Variants in DNAJC7 observed in about 807,000 individuals in gnomAD.
The protein encoded by DNAJC7 is DnaJ heat shock protein family (Hsp40) member C7.
DNAJC7 carries 18 observed loss-of-function variants against 67.4 expected under a neutral mutation model. That is an observed-to-expected ratio of 0.27 (90% CI 0.18 to 0.40). The LOEUF (loss-of-function observed/expected upper bound fraction) is 0.40, where lower values mean the gene tolerates loss of function less well. Ranked by LOEUF, DNAJC7 falls within the 10% of genes least tolerant of loss-of-function variation. The pLI, the probability that DNAJC7 is intolerant of heterozygous loss-of-function variation, is 1.00. For synonymous variants in DNAJC7, 220 were observed against 207.8 expected (o/e 1.06, Z -0.50); for missense variants, 419 against 613.8 (o/e 0.68, Z 3.35).
chr17:42,017,364 A>T lies in DNAJC7; in HGVS notation c.53T>A (p.Leu18Gln). The T allele has an allele frequency of 6.2e-7, 1 of 1,611,238 alleles. No homozygotes were observed. Among genetic ancestry groups the T allele is most frequent in the Non-Finnish European group, 8.5e-7 (1 of 1,179,860 alleles). ...CCTCTTCGCCTCTTGGTCGTCGAGC[A>T]GCTCCGGCTCGGTCGCCGCCATTAC... is the stretch of plus-strand genomic sequence containing the variant. ...DVVMAATEPE[L>Q]LDDQEAKREA... Residue 18 changes from leucine to glutamine, a missense_variant, in exon 1 of 14, where the codon CTG (leucine) becomes CAG (glutamine). This residue lies in a region of DNAJC7 where 63 missense variants were observed against 54.0 expected (regional missense o/e 1.17). Coordinates refer to ENST00000457167, the MANE Select transcript of DNAJC7 (RefSeq NM_003315.4).
chr17:41,997,415 C>T (rs1461955820), intron 2 of DNAJC7, among the ~76,000 whole-genome samples, 176 bp from the exon 3 acceptor site: 1 of 150,970 alleles, frequency 6.6e-6, no homozygotes, highest in African/African-American at 2.4e-5. Flanking sequence ...TGGCACAACC[C>T]CATCTCTACT....
intron 1 of DNAJC7, chr17:42,015,279 C>G (rs1267738753): frequency 1.3e-5 from 2 of 152,130 alleles, no homozygotes; most frequent in African/African-American, 4.8e-5. Flanking sequence ...TGCACCCAGC[C>G]TAATGACACT....
Position 41,990,255 on chromosome 17 carries a change from A to T in DNAJC7, c.599+9T>A. The stretch of plus-strand genomic sequence containing the variant: ...GGCATTTTAATGTCCAGCTAGCCTG[A>T]CTGCATACCTAGCCACAGACTGTGC... On this transcript the variant is annotated intron_variant, in intron 6 of 13. Transcript: ENST00000457167. 1 of 1,599,094 alleles carries T rather than the reference A, an allele frequency of 6.3e-7. No individual in the cohort carries two copies. The highest frequency in any genetic ancestry group is 1.1e-5 in the South Asian group (1 of 88,274).
chr17:41,991,252 G>A (rs1372863108), intron 5 of DNAJC7, among the ~76,000 whole-genome samples: 3 of 152,174 alleles, frequency 2.0e-5, no homozygotes, highest in African/African-American at 7.2e-5. Context: ...GGAGTTAAGG[G>A]ACACCTATTC....
intron 9 of DNAJC7, among the ~76,000 whole-genome samples, chr17:41,983,933 G>A (rs926339366): frequency 2.6e-5 from 4 of 152,236 alleles, no homozygotes; most frequent in African/African-American, 9.6e-5. Flanking sequence ...AGAGGTACTG[G>A]ACTGCCTTAG....
At chr17:41,994,995 A>G in intron 4 of DNAJC7, 51 bp from the exon 5 acceptor site, 1 of 1,512,934 alleles carries the variant, frequency 6.6e-7, no homozygotes, top group Non-Finnish European at 9.2e-7. Flanking sequence ...TGTAGATTAA[A>G]CAACCACAAA....
At chr17:42,011,258 TAAA>T (rs1477197960) in intron 1 of DNAJC7, 5 of 152,178 alleles carry the variant, frequency 3.3e-5, no homozygotes, top group African/African-American at 1.2e-4. Flanking sequence ...TCAAAACCAT[TAAA>T]ATACAAACTT....
chr17:42,014,231 G>C (rs1284215563), intron 1 of DNAJC7: 5 of 150,548 alleles, frequency 3.3e-5, no homozygotes, highest in African/African-American at 1.2e-4. Context: ...GCAATGGTGT[G>C]ACCTTGGCTC....
chr17:41,993,203 TA>T (rs1370549907), intron 5 of DNAJC7, among the ~76,000 whole-genome samples: 2 of 152,246 alleles, frequency 1.3e-5, no homozygotes, highest in Non-Finnish European at 2.9e-5. Flanking sequence ...CTCACGCCTG[TA>T]ATCCCAGCAC....
chr17:41,994,950 C>G lies in DNAJC7; in HGVS notation c.406-6G>C, dbSNP rs782436737. On this transcript the variant is annotated splice_polypyrimidine_tract_variant and splice_region_variant and intron_variant, in intron 4 of 13. Transcript: ENST00000457167. ...ACTGCATTAGCATTCTTGAACTGCA[C>G]CGGAAAATCAGACATAGGAAAGTTT... The G allele has an allele frequency of 1.2e-6, 2 of 1,611,542 alleles. No homozygotes were observed. The highest frequency in any genetic ancestry group is 3.4e-5 in the Admixed American group (2 of 59,560).
chr17:41,988,055 G>A, intron 8 of DNAJC7, 145 bp from the exon 9 acceptor site: 2 of 657,334 alleles, frequency 3.0e-6, no homozygotes, highest in Non-Finnish European at 5.2e-6. Flanking sequence ...TTGTCACCAG[G>A]GCTATGGACA....
At chr17:41,987,068 A>G (rs2051402929) in intron 9 of DNAJC7, among the ~76,000 whole-genome samples, 1 of 152,188 alleles carries the variant, frequency 6.6e-6, no homozygotes, top group Non-Finnish European at 1.5e-5. Context: ...AAATCAGAAG[A>G]GATGGATTTC....
Position 42,017,217 on chromosome 17 carries a change from G to A in DNAJC7, c.77+123C>T, listed in dbSNP as rs528662746. Reference sequence around the variant, plus strand: ...GTCCATCCGGCCTTGATCTCAGATGGGGGGGTGTTTGCGGAGGGCGGGGCA... The same window carrying A: ...GTCCATCCGGCCTTGATCTCAGATGAGGGGGTGTTTGCGGAGGGCGGGGCA... On this transcript the variant is annotated intron_variant, in intron 1 of 13. Coordinates refer to ENST00000457167, the MANE Select transcript of DNAJC7 (RefSeq NM_003315.4). 6.5e-4 allele frequency: 1,035 copies of A among 1,596,184 alleles called. 1 individual carries two copies. Among genetic ancestry groups the A allele is most frequent in the Admixed American group, 1.0e-3 (61 of 59,518 alleles).
intron 10 of DNAJC7, among the ~76,000 whole-genome samples, chr17:41,983,183 C>T (rs1179188630): frequency 3.3e-5 from 5 of 151,878 alleles, no homozygotes; most frequent in East Asian, 1.9e-4. Flanking sequence ...GGAGTATAGT[C>T]GCGCAATCTT....
chr17:41,980,644 C>T (rs1450689074), intron 12 of DNAJC7, among the ~76,000 whole-genome samples: 3 of 152,056 alleles, frequency 2.0e-5, no homozygotes, highest in Non-Finnish European at 4.4e-5. Context: ...GTGATCTGCC[C>T]GCCTTGGCTT....
chr17:42,001,523 A>G (rs1267857308), intron 1 of DNAJC7, among the ~76,000 whole-genome samples: 2 of 152,220 alleles, frequency 1.3e-5, no homozygotes, highest in African/African-American at 4.8e-5. Context: ...GATACTCAAA[A>G]TCATTCCACT....
chr17:42,014,150 T>G (rs1470193223), intron 1 of DNAJC7: 2 of 151,848 alleles, frequency 1.3e-5, no homozygotes, highest in African/African-American at 4.8e-5. Flanking sequence ...AAACTGATTT[T>G]TTTGTTTATT....
chr17:41,997,464 G>C (rs1295802381), intron 2 of DNAJC7, among the ~76,000 whole-genome samples: 1 of 151,928 alleles, frequency 6.6e-6, no homozygotes, highest in Admixed American at 6.6e-5. Context: ...GGGCGTGGTG[G>C]TGGGCCCCTG....
Position 42,017,023 on chromosome 17 carries a change from C to T in DNAJC7, c.77+317G>A. ...GATGTAAGGAAGTCGTCATCGACGC[C>T]GCGCCGCTTCCCCCACCTCGCACCA... On this transcript the variant is annotated intron_variant, in intron 1 of 13. Transcript: ENST00000457167. The T allele has an allele frequency of 1.4e-5, 19 of 1,316,220 alleles. No homozygotes were observed. In the South Asian group the frequency reaches 2.7e-4, roughly 18 times the overall value. The allele number at this position is 1,316,220 out of a possible 1,614,324, so 81.5% of individuals were successfully genotyped here. A position where few individuals can be genotyped will look rare whatever the true frequency, so the allele number is the denominator to read the frequency against.
Sources: allele counts gnomAD v4.1 joint callset (sites outside exome capture counted in the v4.1 genomes callset), GRCh38; gene constraint gnomAD v4.1.1; regional missense constraint gnomAD v4.1.1; transcripts MANE v1.5; gene names NCBI Gene and HGNC (gene_info 2026-07-23, HGNC 2026-07-21).